Variants in RPL3 observed in about 807,000 individuals in gnomAD.
The protein encoded by RPL3 is large ribosomal subunit protein uL3.
In RPL3, 3 loss-of-function variants were observed where a neutral mutation model predicts 46.0. That is an observed-to-expected ratio of 0.07 (90% CI 0.03 to 0.17). RPL3 has a LOEUF of 0.17. RPL3 is among the 10% of genes least tolerant of loss of function. RPL3 has a pLI of 1.00. For synonymous variants in RPL3, 224 were observed against 190.8 expected, an observed-to-expected ratio of 1.17 and a Z score of -1.43; for missense variants, 387 against 532.7, an observed-to-expected ratio of 0.73 and a Z score of 2.69.
intron 2 of RPL3, 172 bp from the exon 3 acceptor site, chr22:39,317,801 A>G (rs1449271687): frequency 4.5e-6 from 3 of 662,026 alleles, no homozygotes; most frequent in African/African-American, 3.6e-5. Context: ...AAGCACATTT[A>G]TGTTATTCAA....
intron 3 of RPL3, 177 bp from the exon 4 acceptor site, chr22:39,317,018 G>A (rs760095434): frequency 4.6e-5 from 42 of 910,284 alleles, no homozygotes; most frequent in Non-Finnish European, 6.6e-5. Flanking sequence ...AGAGCCGAGC[G>A]GAGCTGAGCA....
At chr22:39,319,369 T>C in intron 1 of RPL3, 1 of 630,250 alleles carries the variant, frequency 1.6e-6, no homozygotes, top group East Asian at 2.8e-5. Context: ...CTCCCACCCT[T>C]ACGGCCTCTC....
At chr22:39,315,224 A>G in intron 5 of RPL3, 145 bp downstream of exon 5, 1 of 1,191,184 alleles carries the variant, frequency 8.4e-7, no homozygotes, top group Non-Finnish European at 1.2e-6. Context: ...CTGTTCTCAG[A>G]AGGAAGGCAG....
chr22:39,315,583 C>G (rs1238846022), intron 4 of RPL3, 28 bp from the exon 5 acceptor site: 1 of 1,611,640 alleles, frequency 6.2e-7, no homozygotes, highest in Admixed American at 1.7e-5. Flanking sequence ...CAGCTCAGCT[C>G]CAGCTGCCAG....
At chr22:39,315,022 T>G (rs143136247) in intron 5 of RPL3, 176 bp from the exon 6 acceptor site, 10 of 877,572 alleles carry the variant, frequency 1.1e-5, no homozygotes, top group Non-Finnish European at 1.7e-5. Context: ...GGTGTCACCC[T>G]GAACTCAATT....
chr22:39,313,806 C>T (rs1319077568), intron 7 of RPL3, 77 bp from the exon 8 acceptor site: 1 of 1,300,876 alleles, frequency 7.7e-7, no homozygotes, highest in Non-Finnish European at 1.1e-6. Flanking sequence ...TTCAGGCCCT[C>T]CCTGACCACA....
At chr22:39,319,055 C>G (rs775887928) in intron 1 of RPL3, 2 of 537,648 alleles carry the variant, frequency 3.7e-6, no homozygotes, top group South Asian at 2.8e-5. Context: ...AGAGCCAAAT[C>G]AGAACGTGAC....
chr22:39,313,604 C>G, intron 8 of RPL3, 30 bp downstream of exon 8: 2 of 1,600,376 alleles, frequency 1.2e-6, no homozygotes, highest in Non-Finnish European at 1.7e-6. Context: ...CTACAAGAGC[C>G]CCCCCATGAC....
At chr22:39,319,485 C>T (rs1341320716) in intron 1 of RPL3, 110 bp downstream of exon 1, 22 of 1,439,550 alleles carry the variant, frequency 1.5e-5, no homozygotes, top group Middle Eastern at 1.7e-4. Flanking sequence ...GTCGCCCGTG[C>T]CCCTAAAGCA....
At chr22:39,317,954 A>G (rs781274613) in intron 2 of RPL3, 3 of 378,196 alleles carry the variant, frequency 7.9e-6, no homozygotes, top group African/African-American at 2.0e-5. Context: ...GAGATTAGTC[A>G]GTATCAACTG....
chr22:39,315,910 G>A (rs1922657453), intron 4 of RPL3, among the ~76,000 whole-genome samples: 1 of 152,268 alleles, frequency 6.6e-6, no homozygotes, highest in East Asian at 1.9e-4. Flanking sequence ...TTGCCCTAGT[G>A]ACAAGCCTGC....
rs773076546 is a variant in RPL3, at chr22:39,316,689, C to CG, written c.501+16dup. On this transcript the variant is annotated intron_variant, in intron 4 of 9. Transcript: ENST00000216146. The stretch of plus-strand genomic sequence containing the variant: ...TACTAAGTGGCAGGCCAAGCCACCC[C>CG]GGGGCACTGGGCTCACCTGGGTGTG... 4 of 1,611,922 alleles carry CG rather than the reference C, an allele frequency of 2.5e-6. No individual in the cohort carries two copies. Among genetic ancestry groups the CG allele is most frequent in the African/African-American group, 1.3e-5 (1 of 74,864 alleles).
intron 6 of RPL3, 47 bp from the exon 7 acceptor site, chr22:39,314,255 AC>A: frequency 6.6e-7 from 1 of 1,511,640 alleles, no homozygotes; most frequent in Non-Finnish European, 9.2e-7. Flanking sequence ...GGGACAAATA[AC>A]CCAGACATGC....
rs1569161687 is a variant in RPL3 at position 39,317,520 on chromosome 22, G to A, written c.306C>T (p.Phe102=). ...TGATGTGCTCAGCAAAGACAGTCTTGAAGGTCCGGAGGCCTCGAGGGGTTT... is the reference window on the plus strand; with the variant it reads ...TGATGTGCTCAGCAAAGACAGTCTTAAAGGTCCGGAGGCCTCGAGGGGTTT... ...YVETPRGLRT[F]KTVFAEHISD... is the part of the protein sequence containing the mutation. Residue 102 remains phenylalanine, a synonymous_variant, in exon 3 of 10, where the codon TTC becomes TTT. Transcript: ENST00000216146. The A allele has an allele frequency of 6.2e-7, 1 of 1,613,948 alleles. No homozygotes were observed. The highest frequency in any genetic ancestry group is 1.1e-5 in the South Asian group (1 of 91,076).
At chr22:39,313,155 CCACA>C (rs747223795) in intron 9 of RPL3, 32 bp downstream of exon 9, 1 of 1,603,784 alleles carries the variant, frequency 6.2e-7, no homozygotes, top group Non-Finnish European at 8.5e-7. Context: ...GCCCAAGCCA[CCACA>C]CCCAGCGAGG....
intron 6 of RPL3, 99 bp from the exon 7 acceptor site, chr22:39,314,307 G>T: frequency 9.7e-7 from 1 of 1,032,274 alleles, no homozygotes; most frequent in Non-Finnish European, 1.5e-6. Flanking sequence ...GGCAGCTGAG[G>T]CCTCAGTCCC....
intron 4 of RPL3, 95 bp from the exon 5 acceptor site, chr22:39,315,650 C>T (rs1922640633): frequency 6.9e-7 from 1 of 1,448,822 alleles, no homozygotes; most frequent in African/African-American, 1.4e-5. Context: ...ATGTCAAGCA[C>T]ACGGCAAAAA....
intron 1 of RPL3, 70 bp downstream of exon 1, chr22:39,319,525 C>T (rs1922920722): frequency 1.3e-6 from 2 of 1,549,652 alleles, no homozygotes; most frequent in Non-Finnish European, 8.7e-7. Flanking sequence ...GACGGGATGG[C>T]GGCGATGCGT....
chr22:39,314,245 G>C (rs779730574), intron 6 of RPL3, 37 bp from the exon 7 acceptor site: 4 of 1,566,276 alleles, frequency 2.6e-6, no homozygotes, highest in South Asian at 1.1e-5. Context: ...TGGGGCATTA[G>C]GGACAAATAA....
Sources: allele counts gnomAD v4.1 joint callset (sites outside exome capture counted in the v4.1 genomes callset), GRCh38; gene constraint gnomAD v4.1.1; transcripts MANE v1.5; gene names NCBI Gene and HGNC (gene_info 2026-07-23, HGNC 2026-07-21).